The following BRCC3 variants were observed in gnomAD, a reference collection of about 807,000 sequenced individuals.
The protein encoded by BRCC3 is lys-63-specific deubiquitinase BRCC36.
Under a neutral mutation model 28.0 loss-of-function variants are expected in BRCC3, and 15 were observed. That is an observed-to-expected ratio of 0.54 (90% confidence interval 0.36 to 0.82). The LOEUF (loss-of-function observed/expected upper bound fraction) is 0.82, where lower values mean the gene tolerates loss of function less well. BRCC3 is among the 40% of genes least tolerant of loss of function. BRCC3 has a pLI of 0.01. For synonymous variants in BRCC3, 66 were observed against 80.3 expected (o/e 0.82, Z 0.95); for missense variants, 109 against 225.9 (o/e 0.48, Z 3.32).
At chrX:155,116,302 C>T (rs781983336) in intron 8 of BRCC3, 114 bp downstream of exon 8, 2 of 699,947 alleles carry the variant, frequency 2.9e-6, no homozygotes, top group Non-Finnish European at 4.1e-6. Context: ...TTTTGCCTCT[C>T]TGGGAAGCTT....
intron 3 of BRCC3, 22 bp downstream of exon 3, chrX:155,073,453 A>G (rs376792067): frequency 1.7e-5 from 20 of 1,162,886 alleles, no homozygotes; most frequent in Admixed American, 1.3e-4. Flanking sequence ...AAAATTTTGC[A>G]TGATGGAAAC....
chrX:155,078,066 G>A (rs958995977), intron 4 of BRCC3, among the ~76,000 whole-genome samples: 3 of 112,296 alleles, frequency 2.7e-5, no homozygotes, highest in African/African-American at 6.5e-5. Context: ...GCTAAACACC[G>A]TGTGTGGATT....
intron 5 of BRCC3, among the ~76,000 whole-genome samples, chrX:155,084,987 A>G (rs1372507052): frequency 8.9e-6 from 1 of 111,887 alleles, no homozygotes; most frequent in African/African-American, 3.3e-5. Flanking sequence ...TTTTTTTTAA[A>G]AAGTAGGATA....
intron 5 of BRCC3, among the ~76,000 whole-genome samples, chrX:155,087,096 G>C (rs1557295002): frequency 8.9e-6 from 1 of 111,896 alleles, no homozygotes; most frequent in African/African-American, 3.3e-5. Context: ...GCTGAGATGA[G>C]AATAAGTGTC....
intron 7 of BRCC3, 51 bp from the exon 8 acceptor site, chrX:155,116,006 G>A (rs188883393): frequency 1.7e-6 from 2 of 1,164,769 alleles, no homozygotes; most frequent in African/African-American, 3.6e-5. Context: ...GAGAACTTCT[G>A]ATTATAACAA....
chrX:155,092,865 C>T (rs2124271975), intron 7 of BRCC3, among the ~76,000 whole-genome samples: 1 of 111,161 alleles, frequency 9.0e-6, no homozygotes, highest in Admixed American at 9.6e-5. Context: ...TAGTAACTTC[C>T]TAAGAATGGT....
At chrX:155,089,389 GTA>G (rs2124267175) in intron 6 of BRCC3, 38 bp downstream of exon 6, 2 of 847,117 alleles carry the variant, frequency 2.4e-6, no homozygotes, top group Non-Finnish European at 3.4e-6. Context: ...GTGTGTGTGT[GTA>G]GGGTCTGTGT....
In BRCC3 at chrX:155,071,508, GTGAGA is replaced by G; in HGVS notation, c.-19_-15del. ...AGGACCAAGTGGGCCCGAGGCGGAC[GTGAGA>G]AGGGTCGGGCCAAGATGGCGGTGCA... On this transcript the variant is annotated 5_prime_UTR_variant, in exon 1 of 11. Coordinates refer to ENST00000330045, the MANE Select transcript of BRCC3 (RefSeq NM_001018055.3). 8.4e-7 allele frequency: 1 copy of G among 1,191,527 alleles called. No individual in the cohort carries two copies. The highest frequency in any genetic ancestry group is 1.1e-6 in the Non-Finnish European group (1 of 885,295).
At chrX:155,093,951 C>T (rs1267664631) in intron 7 of BRCC3, among the ~76,000 whole-genome samples, 1 of 110,993 alleles carries the variant, frequency 9.0e-6, no homozygotes, top group African/African-American at 3.3e-5. Flanking sequence ...TCTACATTTG[C>T]TGGTTACTCC....
chrX:155,093,257 C>T (rs1188488610), intron 7 of BRCC3, among the ~76,000 whole-genome samples: 1 of 110,720 alleles, frequency 9.0e-6, no homozygotes, highest in Non-Finnish European at 1.9e-5. Flanking sequence ...TAAAACAATC[C>T]ACAACCTACC....
At chrX:155,104,958 G>A (rs2074269198) in intron 7 of BRCC3, among the ~76,000 whole-genome samples, 1 of 112,378 alleles carries the variant, frequency 8.9e-6, no homozygotes, top group African/African-American at 3.2e-5. Context: ...GACCACTTCA[G>A]TGTGGTTATA....
At chrX:155,099,857 A>G (rs180948541) in intron 7 of BRCC3, among the ~76,000 whole-genome samples, 527 of 111,489 alleles carry the variant, frequency 4.7e-3, no homozygotes, top group Middle Eastern at 9.3e-3. Context: ...CATTGCTGAC[A>G]TATGTGGCAG....
At chrX:155,074,153 C>G (rs2074010503) in intron 3 of BRCC3, among the ~76,000 whole-genome samples, 1 of 112,186 alleles carries the variant, frequency 8.9e-6, no homozygotes, top group Admixed American at 9.4e-5. Context: ...CTTCAGAGAC[C>G]TTGTTTATCA....
chrX:155,098,188 A>G (rs1239960630), intron 7 of BRCC3, among the ~76,000 whole-genome samples: 1 of 112,251 alleles, frequency 8.9e-6, no homozygotes, highest in African/African-American at 3.2e-5. Context: ...TCTAATAAAT[A>G]CATTTGAGGT....
chrX:155,078,098 T>G (rs1401044564), intron 4 of BRCC3, among the ~76,000 whole-genome samples: 1 of 112,802 alleles, frequency 8.9e-6, no homozygotes, highest in Admixed American at 9.4e-5. Context: ...TCTTCACTGC[T>G]CTGAAACATT....
chrX:155,072,158 G>A (rs1234656836), intron 1 of BRCC3, among the ~76,000 whole-genome samples, 169 bp from the exon 2 acceptor site: 1 of 112,183 alleles, frequency 8.9e-6, no homozygotes, highest in Admixed American at 9.3e-5. Context: ...TTGAGGAGGG[G>A]CCGAAGAGGA....
chrX:155,085,764 ATTGGATCTCAAGCAGGGTC>A (rs1203554757), intron 5 of BRCC3, among the ~76,000 whole-genome samples: 1 of 111,706 alleles, frequency 9.0e-6, no homozygotes, highest in East Asian at 2.8e-4. Flanking sequence ...GGAACAGGCA[ATTGGATCTCAAGCAGGGTC>A]TTGGCTTGAG....
chrX:155,085,916 C>T (rs1224165387), intron 5 of BRCC3, among the ~76,000 whole-genome samples: 2 of 111,614 alleles, frequency 1.8e-5, no homozygotes, highest in African/African-American at 3.3e-5. Flanking sequence ...TGAATGACTC[C>T]GAGGAACTGC....
intron 5 of BRCC3, among the ~76,000 whole-genome samples, chrX:155,084,448 C>T (rs1207456419): frequency 1.3e-4 from 14 of 111,358 alleles, no homozygotes; most frequent in African/African-American, 2.9e-4. Flanking sequence ...CTGCAAGCTC[C>T]GCCTCCCAGG....
Sources: gnomAD v4.1 joint callset for allele counts (sites outside exome capture counted in the v4.1 genomes callset) on GRCh38, gnomAD v4.1.1 for gene constraint, MANE v1.5 for transcripts, NCBI Gene and HGNC (gene_info 2026-07-23, HGNC 2026-07-21) for gene names.